The following DENND5A variants were observed in gnomAD, a reference collection of about 807,000 sequenced individuals.
DENND5A encodes DENN domain containing 5A, also known as DENN domain-containing protein 5A.
Under a neutral mutation model 140.3 loss-of-function variants are expected in DENND5A, and 64 were observed. The observed-to-expected ratio is 0.46, with a 90% CI of 0.37 to 0.56. The LOEUF (loss-of-function observed/expected upper bound fraction) is 0.56, where lower values mean the gene tolerates loss of function less well. DENND5A is among the 20% of genes least tolerant of loss of function. The pLI is 0.00. For synonymous variants in DENND5A, 605 were observed against 607.7 expected (o/e 1.00, Z 0.07); for missense variants, 1,292 against 1,593.8 (o/e 0.81, Z 3.22).
At chr11:9,248,474 C>T (rs1851573355) in intron 1 of DENND5A, among the ~76,000 whole-genome samples, 1 of 151,870 alleles carries the variant, frequency 6.6e-6, no homozygotes, top group Non-Finnish European at 1.5e-5. Context: ...AACATAGTGA[C>T]ACACTCACTA....
chr11:9,205,766 G>A (rs141543141), intron 3 of DENND5A, among the ~76,000 whole-genome samples: 35 of 152,212 alleles, frequency 2.3e-4, no homozygotes, highest in African/African-American at 7.0e-4. Flanking sequence ...GCATAGTGTC[G>A]TGCACCAGTA....
At chr11:9,254,967 A>G (rs1851882532) in intron 1 of DENND5A, among the ~76,000 whole-genome samples, 1 of 152,138 alleles carries the variant, frequency 6.6e-6, no homozygotes, top group Admixed American at 6.5e-5. Flanking sequence ...GCTACTCGGG[A>G]GGCTGAGGCA....
At chr11:9,139,986 C>G (rs193066822) in intron 22 of DENND5A, 132 bp from the exon 23 acceptor site, 42 of 1,037,124 alleles carry the variant, frequency 4.0e-5, no homozygotes, top group Admixed American at 7.0e-5. Context: ...CCCACACCCC[C>G]CTTTCCCAAA....
chr11:9,265,347 G>T lies in DENND5A; in HGVS notation c.-278C>A. Reference sequence around the variant, plus strand: ...GCGCCGCGGCCCGAGCGAGCCTGGAGAAGGGCGGAGAGCGCGTGGACAGCC... The same window carrying T: ...GCGCCGCGGCCCGAGCGAGCCTGGATAAGGGCGGAGAGCGCGTGGACAGCC... On this transcript the variant is annotated 5_prime_UTR_variant, in exon 1 of 23. Coordinates refer to ENST00000328194, the MANE Select transcript of DENND5A (RefSeq NM_015213.4). This position sits in a 1 kb window ranked among gnomAD's most constrained non-coding sequence, Gnocchi z 4.7. 4.8e-6 allele frequency: 1 copy of T among 207,182 alleles called. No homozygotes were observed. Among genetic ancestry groups the T allele is most frequent in the Non-Finnish European group, 9.6e-6 (1 of 103,756 alleles). The allele number at this position is 207,182 out of a possible 1,614,324, so 12.8% of individuals were successfully genotyped here. A position where few individuals can be genotyped will look rare whatever the true frequency, so the allele number is the denominator to read the frequency against.
At chr11:9,145,199 C>A in intron 17 of DENND5A, 86 bp from the exon 18 acceptor site, 2 of 961,730 alleles carry the variant, frequency 2.1e-6, no homozygotes, top group South Asian at 1.4e-5. Context: ...TGACTGGCTG[C>A]CTGCAACCTG....
intron 8 of DENND5A, among the ~76,000 whole-genome samples, chr11:9,174,454 T>C (rs1053980631): frequency 1.3e-5 from 2 of 149,860 alleles, no homozygotes; most frequent in African/African-American, 2.4e-5. Context: ...GGAGTAGTTA[T>C]TAATATCAGA....
chr11:9,171,792 G>A (rs1413837703), intron 8 of DENND5A: 1 of 152,084 alleles, frequency 6.6e-6, no homozygotes, highest in African/African-American at 2.4e-5. Context: ...GAGCCCAGGA[G>A]TTTAAGGTTA....
At chr11:9,249,848 C>A (rs1255929386) in intron 1 of DENND5A, among the ~76,000 whole-genome samples, 1 of 152,018 alleles carries the variant, frequency 6.6e-6, no homozygotes, top group Admixed American at 6.6e-5. Context: ...CCGTGCCCGG[C>A]CTCATTTTTA....
At chr11:9,203,319 G>T (rs898146232) in intron 4 of DENND5A, among the ~76,000 whole-genome samples, 5 of 152,184 alleles carry the variant, frequency 3.3e-5, no homozygotes, top group African/African-American at 1.2e-4. Flanking sequence ...GGAAGAGGCA[G>T]AAATAACTCT....
chr11:9,199,666 A>G (rs1849459969), intron 4 of DENND5A, among the ~76,000 whole-genome samples: 1 of 152,244 alleles, frequency 6.6e-6, no homozygotes, highest in African/African-American at 2.4e-5. Flanking sequence ...AAAGGGTTAC[A>G]CTTTCAGAAT....
intron 18 of DENND5A, 125 bp from the exon 19 acceptor site, chr11:9,144,403 C>T (rs1259426474): frequency 3.3e-6 from 3 of 916,408 alleles, no homozygotes; most frequent in Non-Finnish European, 5.0e-6. Flanking sequence ...CTTCAATGCT[C>T]TGCTGGTTCC....
At chr11:9,153,035 A>G (rs1847679363) in intron 12 of DENND5A, among the ~76,000 whole-genome samples, 1 of 149,222 alleles carries the variant, frequency 6.7e-6, no homozygotes, top group Non-Finnish European at 1.5e-5. Flanking sequence ...AGAAAAAAGC[A>G]GGCCAGGCAC....
chr11:9,214,019 T>C (rs780265105), intron 1 of DENND5A, among the ~76,000 whole-genome samples: 5 of 152,154 alleles, frequency 3.3e-5, no homozygotes, highest in Non-Finnish European at 7.4e-5. Context: ...ATCCTTTGCA[T>C]ATTGGCATTC....
At chr11:9,189,122 A>G (rs1259049255) in intron 5 of DENND5A, among the ~76,000 whole-genome samples, 2 of 152,212 alleles carry the variant, frequency 1.3e-5, no homozygotes, top group Non-Finnish European at 2.9e-5. Flanking sequence ...CAGCTGCTCC[A>G]GCTGTGGCTG....
intron 1 of DENND5A, among the ~76,000 whole-genome samples, chr11:9,222,888 TTGC>T (rs1273860276): frequency 6.6e-6 from 1 of 152,218 alleles, no homozygotes; most frequent in Non-Finnish European, 1.5e-5. Context: ...AGAAGCAAAG[TTGC>T]CACAAGCTCT....
chr11:9,184,461 C>A (rs1848839682), intron 5 of DENND5A, among the ~76,000 whole-genome samples: 2 of 152,132 alleles, frequency 1.3e-5, no homozygotes. Context: ...ATGGGTATAT[C>A]CTAGGAGTAG....
chr11:9,150,093 T>C lies in DENND5A; in HGVS notation c.2723A>G (p.His908Arg), dbSNP rs1207483027. 1.2e-6 allele frequency: 2 copies of C among 1,613,092 alleles called. No homozygotes were observed. Among genetic ancestry groups the C allele is most frequent in the Non-Finnish European group, 1.7e-6 (2 of 1,179,418 alleles). The part of the protein sequence containing the change: ...SRHLKQLLSD[H>R]ELTKKLYKRY... The stretch of plus-strand genomic sequence containing the variant: ...GGAGCAGCCTTACTTGGTGAGCTCA[T>C]GGTCTGAGAGGAGCTGCTTCAGGTG... The change falls in exon 15 of 23, where the codon CAT becomes CGT. Residue 908 changes from histidine (H) to arginine (R), a missense_variant. Coordinates refer to ENST00000328194, the MANE Select transcript of DENND5A (RefSeq NM_015213.4).
chr11:9,142,589 A>G (rs1042370084), intron 21 of DENND5A, 133 bp downstream of exon 21: 4 of 1,182,728 alleles, frequency 3.4e-6, no homozygotes, highest in African/African-American at 1.5e-5. Context: ...GAAAAACCAG[A>G]GCAAACAAAT....
At chr11:9,144,447 A>G (rs1847353543) in intron 18 of DENND5A, among the ~76,000 whole-genome samples, 169 bp from the exon 19 acceptor site, 1 of 152,180 alleles carries the variant, frequency 6.6e-6, no homozygotes, top group African/African-American at 2.4e-5. Flanking sequence ...CCTGAGTGGC[A>G]TAGGTGGCCT....
Sources: gnomAD v4.1 joint callset for allele counts (sites outside exome capture counted in the v4.1 genomes callset) on GRCh38, gnomAD v4.1.1 for gene constraint, Gnocchi (gnomAD v3.1) non-coding constraint, MANE v1.5 for transcripts, NCBI Gene and HGNC (gene_info 2026-07-23, HGNC 2026-07-21) for gene names.